Variants in COX7B2 observed in about 807,000 individuals in gnomAD.
COX7B2 encodes cytochrome c oxidase subunit 7B2, also known as cytochrome c oxidase subunit 7B2, mitochondrial.
For synonymous variants in COX7B2, 37 were observed against 32.1 expected, an observed-to-expected ratio of 1.15 and a Z score of -0.51; for missense variants, 109 against 95.9, an observed-to-expected ratio of 1.14 and a Z score of -0.57.
chr4:46,810,524 T>C (rs1719235080), intron 2 of COX7B2, among the ~76,000 whole-genome samples: 2 of 152,220 alleles, frequency 1.3e-5, no homozygotes, highest in Admixed American at 1.3e-4. Flanking sequence ...ATTTCTGTTA[T>C]ATACAAAAAC....
Position 46,772,753 on chromosome 4 carries a change from G to A in COX7B2, c.-49-37512C>T, listed in dbSNP as rs536753275. On this transcript the variant is annotated intron_variant, in intron 2 of 2. Coordinates refer to ENST00000355591, the MANE Select transcript of COX7B2 (RefSeq NM_130902.3). ...TTTCAACTTATGCAGGATTGTTTTG[G>A]TTTCAGATGATCAAATCATAATGTG... 2.0e-5 allele frequency among the ~76,000 whole-genome samples: 3 copies of A among 152,074 alleles called. No individual in the cohort carries two copies. In the South Asian group the frequency reaches 6.2e-4, roughly 32 times the overall value.
At chr4:46,811,381 C>G (rs1030396135) in intron 2 of COX7B2, among the ~76,000 whole-genome samples, 1 of 151,618 alleles carries the variant, frequency 6.6e-6, no homozygotes. Context: ...AAGACCTATA[C>G]TGCAGTTCAA....
rs571630770 is a variant in COX7B2, at chr4:46,817,715, A to T, written c.-50+27245T>A. Among the ~76,000 whole-genome samples the T allele has an allele frequency of 6.0e-4, 91 of 152,344 alleles. 1 individual carries two copies. In the South Asian group the frequency reaches 0.018, roughly 31 times the overall value. ...AGGCTAATAGTCTAGTTGCAGAGTC[A>T]GACTCAATGAAATTTAAAGAAAGCC... On this transcript the variant is annotated intron_variant, in intron 2 of 2. Coordinates refer to ENST00000355591, the MANE Select transcript of COX7B2 (RefSeq NM_130902.3).
At chr4:46,869,145 G>T (rs1032331466) in intron 1 of COX7B2, among the ~76,000 whole-genome samples, 1 of 152,110 alleles carries the variant, frequency 6.6e-6, no homozygotes, top group African/African-American at 2.4e-5. Flanking sequence ...TGTCTTTTTT[G>T]ATCTTTGTTG....
intron 2 of COX7B2, among the ~76,000 whole-genome samples, chr4:46,785,310 T>TA (rs1192600425): frequency 4.6e-5 from 7 of 150,830 alleles, no homozygotes; most frequent in East Asian, 3.9e-4. Flanking sequence ...CTGCTTTCAT[T>TA]AAAAAAAACT....
At chr4:46,800,187 A>G (rs992798523) in intron 2 of COX7B2, among the ~76,000 whole-genome samples, 19 of 152,162 alleles carry the variant, frequency 1.2e-4, no homozygotes, top group Non-Finnish European at 2.6e-4. Context: ...AAGTGACCAT[A>G]CTGCTCAAAG....
At chr4:46,833,178 T>C (rs1213522913) in intron 2 of COX7B2, among the ~76,000 whole-genome samples, 1 of 152,200 alleles carries the variant, frequency 6.6e-6, no homozygotes, top group Admixed American at 6.5e-5. Flanking sequence ...GTGCTGGGAT[T>C]ACAGGTGTGA....
chr4:46,852,017 T>C (rs974875570), intron 1 of COX7B2, among the ~76,000 whole-genome samples: 5 of 152,046 alleles, frequency 3.3e-5, no homozygotes, highest in Non-Finnish European at 7.4e-5. Context: ...TTCTCCCAAT[T>C]AATTTTTGTA....
At chr4:46,756,346 G>A (rs1036789702) in intron 2 of COX7B2, among the ~76,000 whole-genome samples, 3 of 151,594 alleles carry the variant, frequency 2.0e-5, no homozygotes, top group South Asian at 2.1e-4. Context: ...AGACCTAAAA[G>A]TATAAAAATC....
chr4:46,862,878 T>C (rs1481893969), intron 1 of COX7B2, among the ~76,000 whole-genome samples: 2 of 152,190 alleles, frequency 1.3e-5, no homozygotes, highest in Non-Finnish European at 2.9e-5. Flanking sequence ...GTAAGTGAAC[T>C]TTTTGTATAG....
At chr4:46,877,367 C>T (rs368758719) in intron 1 of COX7B2, among the ~76,000 whole-genome samples, 3 of 152,290 alleles carry the variant, frequency 2.0e-5, no homozygotes, top group East Asian at 1.9e-4. Context: ...CTTTCACTCT[C>T]CTTAAAATGC....
intron 2 of COX7B2, among the ~76,000 whole-genome samples, chr4:46,775,264 T>C (rs1717093128): frequency 6.6e-6 from 1 of 152,100 alleles, no homozygotes; most frequent in Admixed American, 6.6e-5. Context: ...AGGCAGTATT[T>C]TGCAAACCAG....
At chr4:46,739,973 G>T (rs75181522) in intron 2 of COX7B2, among the ~76,000 whole-genome samples, 4,312 of 151,772 alleles carry the variant, frequency 0.028, 95 homozygotes, top group Non-Finnish European at 0.038. Flanking sequence ...TTAACAATGA[G>T]AATTTTTAAT....
chr4:46,881,452 G>A (rs563516978), intron 1 of COX7B2, among the ~76,000 whole-genome samples: 1 of 152,296 alleles, frequency 6.6e-6, no homozygotes, highest in East Asian at 1.9e-4. Context: ...TCAGTGAGCA[G>A]AGGGGTGACT....
At chr4:46,765,359 T>C (rs1217057253) in intron 2 of COX7B2, among the ~76,000 whole-genome samples, 1 of 152,148 alleles carries the variant, frequency 6.6e-6, no homozygotes, top group East Asian at 1.9e-4. Flanking sequence ...AGTTTTGCCA[T>C]GGACGCTAGC....
chr4:46,829,488 A>AT (rs1195588820), intron 2 of COX7B2, among the ~76,000 whole-genome samples: 2 of 152,304 alleles, frequency 1.3e-5, no homozygotes, highest in East Asian at 3.9e-4. Flanking sequence ...ACATTCAATT[A>AT]GTAATAGTTT....
intron 1 of COX7B2, among the ~76,000 whole-genome samples, chr4:46,876,436 C>T (rs777168316): frequency 2.9e-5 from 4 of 138,256 alleles, no homozygotes; most frequent in South Asian, 4.7e-4. Context: ...GAAGGAGTCT[C>T]GCTATGTCGC....
chr4:46,795,542 C>CT (rs986850481), intron 2 of COX7B2, among the ~76,000 whole-genome samples: 11 of 143,416 alleles, frequency 7.7e-5, no homozygotes, highest in Non-Finnish European at 1.6e-4. Context: ...GGGCTCTGTT[C>CT]TGTTCCATTG....
intron 2 of COX7B2, among the ~76,000 whole-genome samples, chr4:46,793,582 A>T (rs538937757): frequency 1.3e-5 from 2 of 152,314 alleles, no homozygotes; most frequent in African/African-American, 4.8e-5. Flanking sequence ...GAAGAAAAGG[A>T]TGAGCTCACG....
Sources: allele counts gnomAD v4.1 joint callset (sites outside exome capture counted in the v4.1 genomes callset), GRCh38; gene constraint gnomAD v4.1.1; transcripts MANE v1.5; gene names NCBI Gene and HGNC (gene_info 2026-07-23, HGNC 2026-07-21).